AMOTL1: variants seen among roughly 807,000 people sequenced by gnomAD.
AMOTL1 encodes the protein angiomotin-like protein 1.
AMOTL1 carries 45 observed loss-of-function variants against 102.9 expected under a neutral mutation model. That is an observed-to-expected ratio of 0.44 (90% confidence interval 0.34 to 0.56). AMOTL1 has a LOEUF of 0.56. AMOTL1 is among the 20% of genes least tolerant of loss of function. The probability of loss-of-function intolerance (pLI) is 0.01; values close to 1 mark genes in which losing one functional copy is unlikely to be tolerated. For missense variants in AMOTL1, 1,114 were observed against 1,225.6 expected (o/e 0.91, Z 1.36); for synonymous variants, 481 against 484.7 (o/e 0.99, Z 0.10).
chr11:94,868,948 AAAAAAAAAC>A lies in AMOTL1; in HGVS notation c.2489-239_2489-231del, dbSNP rs1472906222. ...TTGACAACTACTTCTCCACTCCAAA[AAAAAAAAAC>A]AAAAAAAACACACAAAAAAAACCTA... On this transcript the variant is annotated intron_variant, in intron 11 of 12. Coordinates refer to ENST00000433060, the MANE Select transcript of AMOTL1 (RefSeq NM_130847.3). 4.1e-4 allele frequency among the ~76,000 whole-genome samples: 62 copies of A among 151,742 alleles called. 1 individual carries two copies. The South Asian group carries it at 0.012, about 29-fold the overall frequency.
chr11:94,736,903 C>T (rs78113441), intron 2 of AMOTL1, among the ~76,000 whole-genome samples: 3,947 of 152,174 alleles, frequency 0.026, 73 homozygotes, highest in Non-Finnish European at 0.038. Context: ...CCTTGCACAG[C>T]GCTGGAAGCA....
chr11:94,729,201 G>T, intron 2 of AMOTL1: 1 of 471,554 alleles, frequency 2.1e-6, no homozygotes, highest in Non-Finnish European at 3.5e-6. Flanking sequence ...GGACTTTGAA[G>T]TCAGACAGAC....
At chr11:94,762,655 A>G (rs1591940384) in intron 3 of AMOTL1, among the ~76,000 whole-genome samples, 1 of 152,336 alleles carries the variant, frequency 6.6e-6, no homozygotes, top group East Asian at 1.9e-4. Context: ...CGGAATCTTT[A>G]TATTTACAGC....
chr11:94,774,145 C>G (rs140085797), intron 1 of AMOTL1, among the ~76,000 whole-genome samples: 3 of 152,188 alleles, frequency 2.0e-5, no homozygotes, highest in Non-Finnish European at 4.4e-5. Context: ...TATAATGTTA[C>G]GTAAATTCGC....
intron 6 of AMOTL1, 109 bp downstream of exon 6, chr11:94,831,650 T>C (rs1197403926): frequency 6.1e-6 from 6 of 981,872 alleles, no homozygotes; most frequent in Non-Finnish European, 9.2e-6. Context: ...GCTTTTTGTT[T>C]GTTAATTTAG....
chr11:94,802,348 T>A lies in AMOTL1; in HGVS notation c.1121+2037T>A, dbSNP rs150211156. Among the ~76,000 whole-genome samples, 33 of 152,352 alleles carry A rather than the reference T, an allele frequency of 2.2e-4. 1 individual carries two copies. Among genetic ancestry groups the A allele is most frequent in the African/African-American group, 7.2e-4 (30 of 41,578 alleles). On this transcript the variant is annotated intron_variant, in intron 3 of 12. Coordinates refer to ENST00000433060, the MANE Select transcript of AMOTL1 (RefSeq NM_130847.3). ...TATTATATTTCACCCTTTTCCCTGA[T>A]AACTTAACTCAGCCTCTAGAGCTTG...
intron 6 of AMOTL1, among the ~76,000 whole-genome samples, chr11:94,836,317 C>T (rs1045027666): frequency 6.6e-6 from 1 of 152,190 alleles, no homozygotes. Context: ...CTCTTATGGA[C>T]CAATCAGCAC....
At chr11:94,706,777 C>T (rs560288246) in intron 1 of AMOTL1, among the ~76,000 whole-genome samples, 2 of 152,220 alleles carry the variant, frequency 1.3e-5, no homozygotes, top group Admixed American at 6.5e-5. Context: ...CATGGCTAGG[C>T]GAAGTCAGCT....
chr11:94,769,005 C>T (rs1464930614), intron 1 of AMOTL1, among the ~76,000 whole-genome samples: 1 of 152,116 alleles, frequency 6.6e-6, no homozygotes, highest in African/African-American at 2.4e-5. Context: ...GCCCGACGGG[C>T]TCTGGCGCTG....
rs935340284 is a variant in AMOTL1 at position 94,875,987 on chromosome 11, G to T, written c.*5192G>T. ...TATTGTCATGTTATGATGTGACTGG[G>T]GTGTTTCTTTGTCATGAAACTTTGC... On this transcript the variant is annotated 3_prime_UTR_variant, in exon 13 of 13. Coordinates refer to ENST00000433060, the MANE Select transcript of AMOTL1 (RefSeq NM_130847.3). 6.6e-6 allele frequency: 1 copy of T among 152,518 alleles called. No homozygotes were observed. Among genetic ancestry groups the T allele is most frequent in the Non-Finnish European group, 1.5e-5 (1 of 68,016 alleles). The allele number at this position is 152,518 out of a possible 1,614,324, so 9.4% of individuals were successfully genotyped here.
At chr11:94,847,092 G>T (rs950896929) in intron 6 of AMOTL1, among the ~76,000 whole-genome samples, 1 of 152,158 alleles carries the variant, frequency 6.6e-6, no homozygotes, top group Non-Finnish European at 1.5e-5. Context: ...CTAAATTCAG[G>T]ACAGAGATGT....
chr11:94,847,068 G>C (rs1160281390), intron 6 of AMOTL1, among the ~76,000 whole-genome samples: 9 of 152,190 alleles, frequency 5.9e-5, no homozygotes, highest in Non-Finnish European at 1.3e-4. Flanking sequence ...GCTGGAGCTT[G>C]AAGTCTAAAG....
intron 8 of AMOTL1, among the ~76,000 whole-genome samples, chr11:94,856,895 C>T (rs969059388): frequency 7.2e-5 from 11 of 152,178 alleles, no homozygotes; most frequent in African/African-American, 2.7e-4. Flanking sequence ...TGACTTATGC[C>T]GGGACACAGC....
In AMOTL1 at chr11:94,736,229, T is replaced by C. The variant is rs115532723; in HGVS notation, c.86-4709T>C. Among the ~76,000 whole-genome samples, 1,250 of 152,262 alleles carry C rather than the reference T, an allele frequency of 8.2e-3. 20 individuals carry two copies. The highest frequency in any genetic ancestry group is 0.029 in the African/African-American group (1,185 of 41,544). Reference sequence around the variant, plus strand: ...ATCTGGCATGCTCTAGCCCTCTATGTGGGAAGAAAATGAACATTTATTTAT... The same window carrying C: ...ATCTGGCATGCTCTAGCCCTCTATGCGGGAAGAAAATGAACATTTATTTAT... On this transcript the variant is annotated intron_variant, in intron 2 of 4. Transcript: ENST00000299004.
intron 4 of AMOTL1, among the ~76,000 whole-genome samples, chr11:94,827,295 G>C (rs762239359): frequency 3.9e-5 from 6 of 152,180 alleles, no homozygotes; most frequent in Non-Finnish European, 8.8e-5. Flanking sequence ...CTCGCTAGTT[G>C]TCCTAGACTG....
rs1471509218 is a variant in AMOTL1 at position 94,768,430 on chromosome 11, G to A, written c.-82G>A. 2 of 1,543,656 alleles carry A rather than the reference G, an allele frequency of 1.3e-6. No individual in the cohort carries two copies. Among genetic ancestry groups the A allele is most frequent in the Admixed American group, 2.0e-5 (1 of 50,812 alleles). On this transcript the variant is annotated 5_prime_UTR_variant, in exon 1 of 13. Transcript: ENST00000433060. ...GGAGGTGAAGCCCTGTGTGAATGGG[G>A]TTGATTGTCCGGCGCCACTTCCCCG... is the stretch of plus-strand genomic sequence containing the variant.
At chr11:94,759,030 TG>T (rs1221040663) in intron 3 of AMOTL1, among the ~76,000 whole-genome samples, 2 of 152,244 alleles carry the variant, frequency 1.3e-5, no homozygotes, top group Non-Finnish European at 2.9e-5. Flanking sequence ...GGATTAGATA[TG>T]TTTTTTTCTG....
rs1951440275 is a variant in AMOTL1 at position 94,799,894 on chromosome 11, C to T, written c.704C>T (p.Thr235Ile). The T allele has an allele frequency of 1.9e-6, 3 of 1,602,206 alleles. No individual in the cohort carries two copies. In the East Asian group the frequency reaches 6.7e-5, roughly 36 times the overall value. The change falls in exon 3 of 13, where the codon ACT (threonine) becomes ATT (isoleucine). Residue 235 changes from threonine to isoleucine, a missense_variant. Coordinates refer to ENST00000433060, the MANE Select transcript of AMOTL1 (RefSeq NM_130847.3). The surrounding 1 kb of genome is among the most constrained non-coding windows in gnomAD (Gnocchi z 4.5). ...SQKSRTEGRP[T>I]VNRANSGQAH... is the part of the protein sequence containing the mutation. ...AAGTCCCGAACTGAGGGGAGGCCCACTGTGAACCGTGCCAACAGTGGACAG... is the reference window on the plus strand; with the variant it reads ...AAGTCCCGAACTGAGGGGAGGCCCATTGTGAACCGTGCCAACAGTGGACAG...
chr11:94,820,628 G>A lies in AMOTL1; in HGVS notation c.1122-902G>A, dbSNP rs535423093. On this transcript the variant is annotated intron_variant, in intron 3 of 12. Coordinates refer to ENST00000433060, the MANE Select transcript of AMOTL1 (RefSeq NM_130847.3). ...TTCAAACGCATCACATTTATTGTGC[G>A]CTTTGTTTCTATTATTATTACATTG... 2.8e-4 allele frequency among the ~76,000 whole-genome samples: 42 copies of A among 152,210 alleles called. No homozygotes were observed. The South Asian group carries it at 7.5e-3, about 27-fold the overall frequency.
Sources: gnomAD v4.1 joint callset for allele counts (sites outside exome capture counted in the v4.1 genomes callset) on GRCh38, gnomAD v4.1.1 for gene constraint, Gnocchi (gnomAD v3.1) non-coding constraint, MANE v1.5 for transcripts, NCBI Gene and HGNC (gene_info 2026-07-23, HGNC 2026-07-21) for gene names.